Variants in LPP observed in about 807,000 individuals in gnomAD.
LPP encodes LIM domain containing preferred translocation partner in lipoma.
A neutral mutation model predicts 60.4 loss-of-function variants in LPP; 38 were observed. The observed-to-expected ratio is 0.63, with a 90% CI of 0.49 to 0.83. The LOEUF (loss-of-function observed/expected upper bound fraction) is 0.83, where lower values mean the gene tolerates loss of function less well. LPP is among the 40% of genes least tolerant of loss of function. LPP has a pLI of 0.00. For synonymous variants in LPP, 328 were observed against 290.8 expected (o/e 1.13, Z -1.30); for missense variants, 902 against 783.6 (o/e 1.15, Z -1.80).
At chr3:188,592,563 T>TGTTTTTTTTTTTTTTTTTTTTTGG in intron 6 of LPP, among the ~76,000 whole-genome samples, 1 of 77,224 alleles carries the variant, frequency 1.3e-5, no homozygotes, top group Non-Finnish European at 2.8e-5. Context: ...TTTTGTTTTT[T>TGTTTTTTTTTTTTTTTTTTTTTGG]AAATGGAGTC....
chr3:188,546,567 A>G (rs544861505), intron 6 of LPP, among the ~76,000 whole-genome samples: 3 of 152,290 alleles, frequency 2.0e-5, no homozygotes, highest in Non-Finnish European at 4.4e-5. Context: ...TTTTGCCTTT[A>G]ATTTAATAAG....
chr3:188,765,297 AACACACACACACACAC>A (rs60149759), intron 9 of LPP, among the ~76,000 whole-genome samples: 5 of 144,068 alleles, frequency 3.5e-5, no homozygotes, highest in Non-Finnish European at 6.1e-5. Flanking sequence ...TGTCTCACAC[AACACACACACACACAC>A]ACACACACAC....
At chr3:188,791,043 C>T (rs1487302940) in intron 9 of LPP, among the ~76,000 whole-genome samples, 1 of 152,036 alleles carries the variant, frequency 6.6e-6, no homozygotes, top group East Asian at 1.9e-4. Context: ...GCCCTCAGTC[C>T]CAAAACATGA....
chr3:188,518,282 A>G (rs796744788), intron 5 of LPP, among the ~76,000 whole-genome samples: 4 of 152,318 alleles, frequency 2.6e-5, no homozygotes, highest in South Asian at 2.1e-4. Flanking sequence ...AGTAATAAAC[A>G]TTACTGACCA....
At chr3:188,206,463 G>C (rs1178382011) in intron 1 of LPP, among the ~76,000 whole-genome samples, 1 of 152,204 alleles carries the variant, frequency 6.6e-6, no homozygotes, top group Non-Finnish European at 1.5e-5. Context: ...CACAGACATT[G>C]TCTGACTAAG....
At chr3:188,765,276 G>A (rs760816674) in intron 9 of LPP, among the ~76,000 whole-genome samples, 87 of 143,510 alleles carry the variant, frequency 6.1e-4, no homozygotes, top group Non-Finnish European at 1.1e-3. Context: ...TGTGCCTCTT[G>A]TCTCTCTTTC....
At chr3:188,370,905 T>C (rs745634713) in intron 3 of LPP, among the ~76,000 whole-genome samples, 5 of 152,178 alleles carry the variant, frequency 3.3e-5, no homozygotes, top group Non-Finnish European at 5.9e-5. Context: ...TTGTTTTGCT[T>C]TGCCATTGTT....
chr3:188,751,622 TA>T (rs1728097306), intron 8 of LPP, among the ~76,000 whole-genome samples: 2 of 152,206 alleles, frequency 1.3e-5, no homozygotes, highest in Admixed American at 6.5e-5. Context: ...GAAAACTGGT[TA>T]AGTGGACAGA....
At chr3:188,613,261 C>CCTATAT (rs61366207) in intron 7 of LPP, among the ~76,000 whole-genome samples, 33,817 of 116,958 alleles carry the variant, frequency 0.29, 4,388 homozygotes, top group East Asian at 0.33. Context: ...TATATCTATA[C>CCTATAT]CTATATCTAT....
chr3:188,377,878 G>A (rs1369720678), intron 3 of LPP, among the ~76,000 whole-genome samples: 1 of 152,092 alleles, frequency 6.6e-6, no homozygotes, highest in African/African-American at 2.4e-5. Context: ...ATACAGGTGG[G>A]TTTTTGGTGT....
At chr3:188,430,642 A>G (rs1232438186) in intron 4 of LPP, among the ~76,000 whole-genome samples, 1 of 152,250 alleles carries the variant, frequency 6.6e-6, no homozygotes, top group Non-Finnish European at 1.5e-5. Flanking sequence ...TAATAGATGC[A>G]GATGACTGAA....
At chr3:188,679,886 C>T (rs910995928) in intron 7 of LPP, among the ~76,000 whole-genome samples, 8 of 152,018 alleles carry the variant, frequency 5.3e-5, no homozygotes, top group African/African-American at 1.7e-4. Context: ...TTCCTCCTAT[C>T]CCCCCAGGCT....
At chr3:188,512,833 T>C (rs764144567) in intron 5 of LPP, among the ~76,000 whole-genome samples, 96 of 152,148 alleles carry the variant, frequency 6.3e-4, no homozygotes, top group Non-Finnish European at 1.2e-3. Context: ...AAGTGGCTTT[T>C]GAAATGTATC....
intron 4 of LPP, among the ~76,000 whole-genome samples, chr3:188,477,994 T>C (rs1337544098): frequency 1.3e-5 from 2 of 152,204 alleles, no homozygotes; most frequent in Non-Finnish European, 2.9e-5. Context: ...GGAGTTGAAG[T>C]TGAAATTGGA....
chr3:188,240,391 G>GAGAGAGAGAC (rs57917620), intron 2 of LPP, among the ~76,000 whole-genome samples: 23 of 150,196 alleles, frequency 1.5e-4, no homozygotes, highest in African/African-American at 5.0e-4. Context: ...GAGAGACAGA[G>GAGAGAGAGAC]AGAGAAAGAG....
At chr3:188,435,128 G>A (rs1213084712) in intron 4 of LPP, among the ~76,000 whole-genome samples, 1 of 152,090 alleles carries the variant, frequency 6.6e-6, no homozygotes, top group Non-Finnish European at 1.5e-5. Flanking sequence ...AATCTTACTG[G>A]GAAGAATGTC....
chr3:188,853,589 G>A (rs1763163509), intron 9 of LPP, among the ~76,000 whole-genome samples: 1 of 152,180 alleles, frequency 6.6e-6, no homozygotes, highest in Non-Finnish European at 1.5e-5. Context: ...CAGGCTAGGG[G>A]CCTAGACAGG....
rs1424318639 is a variant in LPP at position 188,511,290 on chromosome 3, TCCTTC to T, written c.307-13371_307-13367del. 2.9e-4 allele frequency among the ~76,000 whole-genome samples: 28 copies of T among 97,662 alleles called. No homozygotes were observed. The South Asian group carries it at 0.012, about 43-fold the overall frequency. 64.1% of individuals were successfully genotyped at this position (97,662 alleles called of 152,430 possible). Reference sequence around the variant, plus strand: ...CTTCCTTTCCCTCCCTTCCCTCCCTTCCTTCCCTCCCTGCCTTCCTCCCTCCCCTC... The same window carrying T: ...CTTCCTTTCCCTCCCTTCCCTCCCTTCCTCCCTGCCTTCCTCCCTCCCCTC... On this transcript the variant is annotated intron_variant, in intron 5 of 11. Coordinates refer to ENST00000617246, the MANE Select transcript of LPP (RefSeq NM_001375462.1).
At chr3:188,738,640 G>A (rs946385630) in intron 8 of LPP, among the ~76,000 whole-genome samples, 2 of 152,032 alleles carry the variant, frequency 1.3e-5, no homozygotes, top group Non-Finnish European at 2.9e-5. Context: ...TTTTCATCAC[G>A]AATGTAAAAA....
Sources: gnomAD v4.1 joint callset for allele counts (sites outside exome capture counted in the v4.1 genomes callset) on GRCh38, gnomAD v4.1.1 for gene constraint, MANE v1.5 for transcripts, NCBI Gene and HGNC (gene_info 2026-07-23, HGNC 2026-07-21) for gene names.